Variants in CNTN6 observed in about 807,000 individuals in gnomAD.
The protein encoded by CNTN6 is contactin-6.
A neutral mutation model predicts 122.8 loss-of-function variants in CNTN6; 137 were observed. That is an observed-to-expected ratio of 1.12 (90% CI 0.97 to 1.29). The LOEUF (loss-of-function observed/expected upper bound fraction) is 1.29. CNTN6 is among the 50% of genes most tolerant of loss of function. The probability of loss-of-function intolerance (pLI) is 0.00; values close to 1 mark genes in which losing one functional copy is unlikely to be tolerated. For missense variants in CNTN6, 1,634 were observed against 1,223.4 expected, an observed-to-expected ratio of 1.34 and a Z score of -5.01; for synonymous variants, 570 against 426.0, an observed-to-expected ratio of 1.34 and a Z score of -4.16.
intron 12 of CNTN6, among the ~76,000 whole-genome samples, chr3:1,355,568 C>G (rs2126086042): frequency 6.6e-6 from 1 of 151,774 alleles, no homozygotes; most frequent in East Asian, 1.9e-4. Flanking sequence ...CTGGTTGTTT[C>G]TTAAGATGGC....
chr3:1,173,296 A>G, intron 2 of CNTN6: 1 of 456,644 alleles, frequency 2.2e-6, no homozygotes, highest in South Asian at 1.5e-5. Flanking sequence ...GTGCCCTTAT[A>G]TCACCTGGCG....
chr3:1,329,708 A>G (rs552664579), intron 10 of CNTN6, 77 bp from the exon 11 acceptor site: 1 of 1,252,076 alleles, frequency 8.0e-7, no homozygotes, highest in African/African-American at 1.5e-5. Context: ...GATTCTGTCT[A>G]GCATAGCAAG....
chr3:1,152,053 T>C (rs1339835547), intron 2 of CNTN6, among the ~76,000 whole-genome samples: 1 of 152,236 alleles, frequency 6.6e-6, no homozygotes, highest in East Asian at 1.9e-4. Flanking sequence ...AACTTATAAC[T>C]GTAAGTCTAC....
At chr3:1,276,425 G>T (rs77539264) in intron 4 of CNTN6, among the ~76,000 whole-genome samples, 5 of 152,028 alleles carry the variant, frequency 3.3e-5, no homozygotes, top group Admixed American at 3.3e-4. Context: ...AACGATGTGC[G>T]CTGCTGTATT....
chr3:1,098,410 C>CT lies in CNTN6; in HGVS notation c.-83+5297dup, dbSNP rs201980461. Among the ~76,000 whole-genome samples, 500 of 151,746 alleles carry CT rather than the reference C, an allele frequency of 3.3e-3. 3 individuals are homozygous for CT. Among genetic ancestry groups the CT allele is most frequent in the African/African-American group, 0.011 (474 of 41,436 alleles). On this transcript the variant is annotated intron_variant, in intron 1 of 22. Transcript: ENST00000446702. The stretch of plus-strand genomic sequence containing the variant: ...CCTGTTGTTTTATGTTGTTGTTGTT[C>CT]TTTTTTTATGATAATGCCTTAATCA...
Position 1,327,581 on chromosome 3 carries a change from T to G in CNTN6, c.1208T>G (p.Val403Gly). 1.2e-6 allele frequency: 2 copies of G among 1,609,280 alleles called. No individual in the cohort carries two copies. Among genetic ancestry groups the G allele is most frequent in the Non-Finnish European group, 1.7e-6 (2 of 1,177,400 alleles). ...ATTTATGCAAATGCTGAATTGAGAG[T>G]TTTAGGTAAGTCGTTTATTTACAAC... ...QIIYANAELR[V>G]LASAPDFSKS... The change falls in exon 10 of 23, where the codon GTT (valine) becomes GGT (glycine). Residue 403 changes from valine to glycine, a missense_variant. Val to Gly is a moderately radical substitution (Grantham distance 109). Transcript: ENST00000446702.
intron 2 of CNTN6, among the ~76,000 whole-genome samples, chr3:1,171,692 G>A (rs576067374): frequency 2.0e-5 from 3 of 151,960 alleles, no homozygotes; most frequent in East Asian, 1.9e-4. Flanking sequence ...TTGCAGCCTC[G>A]ACCTCTTGTG....
intron 2 of CNTN6, among the ~76,000 whole-genome samples, chr3:1,178,376 G>A (rs1243611465): frequency 2.6e-5 from 4 of 152,126 alleles, no homozygotes; most frequent in Non-Finnish European, 5.9e-5. Context: ...CTGATAAGAT[G>A]AAGGTTTCTT....
In CNTN6 at chr3:1,300,449, CAGGAAGGAAGGAAGGAAGGA is replaced by C. The variant is rs72054486; in HGVS notation, c.761+2484_761+2503del. ...GAGAAAGGAGCAATTAGGGTCAGTT[CAGGAAGGAAGGAAGGAAGGA>C]AGGAAGGAAGGAAGGAAGGAAGGAA... On this transcript the variant is annotated intron_variant, in intron 7 of 22. Coordinates refer to ENST00000446702, the MANE Select transcript of CNTN6 (RefSeq NM_001289080.2). Among the ~76,000 whole-genome samples the C allele has an allele frequency of 7.5e-4, 86 of 114,492 alleles. 1 individual carries two copies. Among genetic ancestry groups the C allele is most frequent in the Admixed American group, 3.0e-3 (34 of 11,234 alleles). 75.1% of individuals were successfully genotyped at this position (114,492 alleles called of 152,430 possible).
intron 8 of CNTN6, among the ~76,000 whole-genome samples, chr3:1,324,568 G>C (rs1220963441): frequency 2.0e-5 from 3 of 149,730 alleles, no homozygotes; most frequent in Non-Finnish European, 4.4e-5. Flanking sequence ...ACCCTTAGAT[G>C]ACCATGGATG....
chr3:1,380,127 A>G (rs150849187), intron 17 of CNTN6, among the ~76,000 whole-genome samples: 3 of 152,176 alleles, frequency 2.0e-5, no homozygotes, highest in African/African-American at 7.2e-5. Flanking sequence ...CCCCAGGTCA[A>G]TGTCACTCCT....
In CNTN6 at chr3:1,325,842, A is replaced by G; in HGVS notation, c.974A>G (p.Gln325Arg). The G allele has an allele frequency of 6.2e-7, 1 of 1,611,210 alleles. No homozygotes were observed. ...CCTCCAGAATGGGAACAGAAAATCC[A>G]AAATACACACCTCTCTATCTATGAC... ...YAPPEWEQKI[Q>R]NTHLSIYDNL... The change falls in exon 9 of 23, where the codon CAA becomes CGA. Residue 325 changes from glutamine (Q) to arginine (R), a missense_variant. Transcript: ENST00000446702.
chr3:1,344,557 G>C (rs1251198621), intron 11 of CNTN6, among the ~76,000 whole-genome samples: 2 of 152,184 alleles, frequency 1.3e-5, no homozygotes, highest in Admixed American at 1.3e-4. Flanking sequence ...ATTCAGATAA[G>C]CAGATTGGAG....
chr3:1,243,720 T>G (rs1202739622), intron 4 of CNTN6, among the ~76,000 whole-genome samples: 1 of 152,280 alleles, frequency 6.6e-6, no homozygotes, highest in East Asian at 1.9e-4. Flanking sequence ...AAGAGTAAAT[T>G]GCTCGGCAGG....
intron 1 of CNTN6, among the ~76,000 whole-genome samples, chr3:1,102,447 C>A (rs1042444992): frequency 6.6e-6 from 1 of 152,184 alleles, no homozygotes; most frequent in Admixed American, 6.5e-5. Context: ...TAAGAACAGT[C>A]CTGCCGGGCG....
intron 5 of CNTN6, among the ~76,000 whole-genome samples, chr3:1,290,802 C>T (rs539553588): frequency 7.9e-5 from 12 of 152,242 alleles, no homozygotes; most frequent in South Asian, 2.1e-4. Context: ...ATTGTCGTGG[C>T]GCTAATGGGA....
chr3:1,386,008 T>C (rs1489252821), intron 20 of CNTN6, among the ~76,000 whole-genome samples: 2 of 152,340 alleles, frequency 1.3e-5, no homozygotes, highest in African/African-American at 4.8e-5. Context: ...AAAAGAGGAA[T>C]ATTCCAAGTA....
Position 1,233,734 on chromosome 3 carries a change from CAAAAAAAAAA to C in CNTN6, c.358+5756_358+5765del, listed in dbSNP as rs1166507455. ...TGGGCAACAGAACGAGACTCTGTCT[CAAAAAAAAAA>C]AAAAAAAAAAAAAAGTAGTTTGAAA... is the stretch of plus-strand genomic sequence containing the variant. On this transcript the variant is annotated intron_variant, in intron 4 of 22. Transcript: ENST00000446702. Among the ~76,000 whole-genome samples the C allele has an allele frequency of 4.0e-4, 21 of 52,156 alleles. No homozygotes were observed. In the East Asian group the frequency reaches 7.9e-3, roughly 20 times the overall value. The allele number at this position is 52,156 out of a possible 152,430, so 34.2% of individuals were successfully genotyped here.
At chr3:1,258,511 G>A (rs773049133) in intron 4 of CNTN6, among the ~76,000 whole-genome samples, 1 of 152,134 alleles carries the variant, frequency 6.6e-6, no homozygotes, top group Non-Finnish European at 1.5e-5. Flanking sequence ...AAGCTTGAGT[G>A]TGCAGTGGCC....
Sources: allele counts gnomAD v4.1 joint callset (sites outside exome capture counted in the v4.1 genomes callset), GRCh38; gene constraint gnomAD v4.1.1; transcripts MANE v1.5; gene names NCBI Gene and HGNC (gene_info 2026-07-23, HGNC 2026-07-21).